IMPA2: variants seen among roughly 807,000 people sequenced by gnomAD.
IMPA2 encodes the protein IMP 2.
In IMPA2, 32 loss-of-function variants were observed where a neutral mutation model predicts 35.1. The observed-to-expected ratio is 0.91, with a 90% confidence interval of 0.69 to 1.23. The LOEUF (loss-of-function observed/expected upper bound fraction) is 1.23, where lower values mean the gene tolerates loss of function less well. IMPA2 is among the 50% of genes most tolerant of loss of function. IMPA2 has a pLI of 0.00. For missense variants in IMPA2, 334 were observed against 387.6 expected (o/e 0.86, Z 1.16); for synonymous variants, 135 against 160.6 (o/e 0.84, Z 1.20).
At position 12,008,435 on chromosome 18, in the gene IMPA2, C is replaced by T. The variant is rs551703300; in HGVS notation, c.231-1448C>T. The T allele has an allele frequency of 2.2e-5, 11 of 508,430 alleles. No individual in the cohort carries two copies. The East Asian group carries it at 3.9e-4, about 18-fold the overall frequency. 31.5% of individuals were successfully genotyped at this position (508,430 alleles called of 1,614,324 possible). On this transcript the variant is annotated intron_variant, in intron 2 of 7. Transcript: ENST00000269159. The stretch of plus-strand genomic sequence containing the variant: ...ATGCACAGAACAGATGTTTGCTTAG[C>T]GCCTGCCCAAGGCCTCACCCTTAGT...
At chr18:12,006,641 C>T (rs912223150) in intron 2 of IMPA2, among the ~76,000 whole-genome samples, 2 of 152,174 alleles carry the variant, frequency 1.3e-5, no homozygotes, top group African/African-American at 4.8e-5. Context: ...GGGAGGAGGT[C>T]GCACAGCCTG....
In IMPA2 at chr18:12,028,167, C is replaced by T. The variant is rs371905367; in HGVS notation, c.599+16C>T. 3.5e-5 allele frequency: 52 copies of T among 1,506,788 alleles called. No homozygotes were observed. In the African/African-American group the frequency reaches 4.0e-4, roughly 12 times the overall value. 93.3% of individuals were successfully genotyped at this position (1,506,788 alleles called of 1,614,324 possible). A position where few individuals can be genotyped will look rare whatever the true frequency, so the allele number is the denominator to read the frequency against. On this transcript the variant is annotated intron_variant, in intron 6 of 7. Transcript: ENST00000269159. The stretch of plus-strand genomic sequence containing the variant: ...AGGCGCATGGGTAGGAGGTTCAGTT[C>T]GGGGAACACCCTGCAGCCCGAGGAG...
At chr18:11,983,766 C>T (rs1156729127) in intron 1 of IMPA2, among the ~76,000 whole-genome samples, 1 of 151,960 alleles carries the variant, frequency 6.6e-6, no homozygotes, top group Non-Finnish European at 1.5e-5. Flanking sequence ...GAGGGAATGG[C>T]CTGAAGGTCT....
intron 1 of IMPA2, among the ~76,000 whole-genome samples, chr18:11,993,173 A>G (rs1303885157): frequency 2.0e-5 from 3 of 152,188 alleles, no homozygotes; most frequent in East Asian, 3.8e-4. Context: ...AATGTGTTAG[A>G]TACACTGTTA....
In IMPA2 at chr18:12,029,308, GT is replaced by G. The variant is rs1164732555; in HGVS notation, c.751+318del. On this transcript the variant is annotated intron_variant, in intron 7 of 7. Coordinates refer to ENST00000269159, the MANE Select transcript of IMPA2 (RefSeq NM_014214.3). ...TTTTTGTATTTTTATTAGAGACGGG[GT>G]TTCATGGTGTCAGCCAGGATGCTCT... 4.6e-5 allele frequency among the ~76,000 whole-genome samples: 7 copies of G among 151,614 alleles called. No individual in the cohort carries two copies. The East Asian group carries it at 9.7e-4, about 21-fold the overall frequency.
intron 1 of IMPA2, among the ~76,000 whole-genome samples, chr18:11,990,630 G>GAGTC (rs1228376741): frequency 3.3e-5 from 5 of 152,206 alleles, no homozygotes; most frequent in Non-Finnish European, 5.9e-5. Flanking sequence ...TGGACTTGAT[G>GAGTC]AGTCGTACAT....
At chr18:12,029,858 A>G (rs630110) in intron 7 of IMPA2, among the ~76,000 whole-genome samples, 115,741 of 152,210 alleles carry the variant, frequency 0.76, 44,371 homozygotes, top group East Asian at 0.92. Flanking sequence ...AGGCTTTATC[A>G]TCTTGCCCGA....
rs1156240135 is a variant in IMPA2 at position 12,020,609 on chromosome 18, C to T, written c.490+6236C>T. On this transcript the variant is annotated intron_variant, in intron 5 of 7. Transcript: ENST00000269159. The stretch of plus-strand genomic sequence containing the variant: ...GGGACTTGAATGTATGTTGGGCTTT[C>T]ACTATCATTTCCTCTTGTACTCTTT... Among the ~76,000 whole-genome samples, 3 of 152,138 alleles carry T rather than the reference C, an allele frequency of 2.0e-5. No homozygotes were observed. The East Asian group carries it at 5.8e-4, about 29-fold the overall frequency.
At chr18:11,997,096 C>T (rs542377593) in intron 1 of IMPA2, among the ~76,000 whole-genome samples, 1 of 152,294 alleles carries the variant, frequency 6.6e-6, no homozygotes, top group Non-Finnish European at 1.5e-5. Context: ...CAGAGACACA[C>T]ACACATCAGG....
At chr18:11,996,292 C>T (rs866240137) in intron 1 of IMPA2, among the ~76,000 whole-genome samples, 5 of 152,282 alleles carry the variant, frequency 3.3e-5, no homozygotes, top group African/African-American at 1.2e-4. Flanking sequence ...TGGAGTTTCC[C>T]AAGGGCCCTG....
Position 12,028,914 on chromosome 18 carries a change from G to A in IMPA2, c.672G>A (p.Gln224=). The change falls in exon 7 of 8, where the codon CAG becomes CAA. Residue 224 remains glutamine (Q), a synonymous_variant. Transcript: ENST00000269159. ...CAGGGGCCGCGGATGCCTATTACCA[G>A]TTTGGCCTGCACTGCTGGGATCTGG... ...LASGAADAYY[Q]FGLHCWDLAA... is the part of the protein sequence containing the mutation. 6.2e-7 allele frequency: 1 copy of A among 1,614,104 alleles called. No individual in the cohort carries two copies. The highest frequency in any genetic ancestry group is 8.5e-7 in the Non-Finnish European group (1 of 1,180,022).
chr18:12,012,130 T>C, intron 3 of IMPA2, 40 bp from the exon 4 acceptor site: 1 of 1,607,100 alleles, frequency 6.2e-7, no homozygotes, highest in Non-Finnish European at 8.5e-7. Flanking sequence ...GAGCTGCCGC[T>C]CTTGTTCCAG....
chr18:12,023,777 C>T (rs187422358), intron 5 of IMPA2, among the ~76,000 whole-genome samples: 258 of 152,280 alleles, frequency 1.7e-3, no homozygotes, highest in Non-Finnish European at 3.4e-3. Flanking sequence ...ATTTCACTGT[C>T]CTGATTTTAC....
intron 3 of IMPA2, 42 bp from the exon 4 acceptor site, chr18:12,012,128 G>A (rs374628437): frequency 3.7e-6 from 6 of 1,602,834 alleles, no homozygotes; most frequent in African/African-American, 2.7e-5. Flanking sequence ...GAGAGCTGCC[G>A]CTCTTGTTCC....
At chr18:11,985,606 C>T (rs964331637) in intron 1 of IMPA2, among the ~76,000 whole-genome samples, 1 of 152,198 alleles carries the variant, frequency 6.6e-6, no homozygotes, top group Admixed American at 6.5e-5. Flanking sequence ...TTGCTCCTGG[C>T]TCTGTGCAGT....
At chr18:11,990,147 G>A (rs1013819303) in intron 1 of IMPA2, among the ~76,000 whole-genome samples, 14 of 152,292 alleles carry the variant, frequency 9.2e-5, no homozygotes, top group South Asian at 6.2e-4. Context: ...TCCTGTGTCC[G>A]TTGTCCCAGC....
intron 7 of IMPA2, 136 bp downstream of exon 7, chr18:12,029,129 T>C: frequency 1.2e-6 from 1 of 862,604 alleles, no homozygotes; most frequent in South Asian, 1.9e-5. Flanking sequence ...TTTTTTTTTT[T>C]TTTTGAGACG....
intron 1 of IMPA2, 111 bp downstream of exon 1, chr18:11,981,876 C>T: frequency 1.5e-6 from 1 of 655,600 alleles, no homozygotes; most frequent in East Asian, 3.6e-5. Context: ...GCCCAGGGTC[C>T]GCACCCGAGG....
intron 1 of IMPA2, among the ~76,000 whole-genome samples, chr18:11,984,088 C>T (rs1462520660): frequency 6.6e-6 from 1 of 152,114 alleles, no homozygotes; most frequent in East Asian, 1.9e-4. Flanking sequence ...GTGAGGGAGC[C>T]GAAGGAGAGA....
Sources: allele counts gnomAD v4.1 joint callset (sites outside exome capture counted in the v4.1 genomes callset), GRCh38; gene constraint gnomAD v4.1.1; transcripts MANE v1.5; gene names NCBI Gene and HGNC (gene_info 2026-07-23, HGNC 2026-07-21).